ERMARD: variants seen among roughly 807,000 people sequenced by gnomAD.
ERMARD encodes the protein ER membrane associated RNA degradation, also known as endoplasmic reticulum membrane-associated RNA degradation protein.
Under a neutral mutation model 83.9 loss-of-function variants are expected in ERMARD, and 71 were observed. The observed-to-expected ratio is 0.85, with a 90% confidence interval of 0.70 to 1.03. The LOEUF is 1.03. Ranked by LOEUF, ERMARD falls within the 50% of genes least tolerant of loss-of-function variation. The probability of loss-of-function intolerance (pLI) is 0.00; values close to 1 mark genes in which losing one functional copy is unlikely to be tolerated. For synonymous variants in ERMARD, 284 were observed against 298.6 expected, an observed-to-expected ratio of 0.95 and a Z score of 0.50; for missense variants, 838 against 810.9, an observed-to-expected ratio of 1.03 and a Z score of -0.41.
chr6:169,762,506 G>A lies in ERMARD; in HGVS notation c.935G>A (p.Cys312Tyr), dbSNP rs1563018607. 3.1e-6 allele frequency: 5 copies of A among 1,614,030 alleles called. No homozygotes were observed. The highest frequency in any genetic ancestry group is 1.7e-5 in the Admixed American group (1 of 60,018). ...LRNVFATLNRCPKRLLTAEST... is the reference protein window; with the variant it reads ...LRNVFATLNRYPKRLLTAEST... ...AATGTTTTTGCCACACTTAACAGAT[G>A]TCCAAAAAGACTCCTGACTGCTGAG... Residue 312 changes from cysteine to tyrosine, a missense_variant, in exon 9 of 18, where the codon TGT becomes TAT. Coordinates refer to ENST00000366773, the MANE Select transcript of ERMARD (RefSeq NM_018341.3).
intron 13 of ERMARD, among the ~76,000 whole-genome samples, chr6:169,775,066 C>T (rs1793420592): frequency 6.6e-6 from 1 of 152,244 alleles, no homozygotes; most frequent in African/African-American, 2.4e-5. Flanking sequence ...CAGACGTTCA[C>T]TCCCTTCCAA....
intron 15 of ERMARD, 155 bp from the exon 16 acceptor site, chr6:169,776,300 T>C: frequency 6.4e-7 from 1 of 1,551,916 alleles, no homozygotes; most frequent in Non-Finnish European, 8.7e-7. Context: ...TGTGTTTAGT[T>C]AACACTTGCC....
chr6:169,770,410 C>T (rs894504597), intron 12 of ERMARD: 3 of 152,038 alleles, frequency 2.0e-5, no homozygotes, highest in African/African-American at 7.2e-5. Context: ...TTCTTTTTGT[C>T]AGCTGTTTGA....
chr6:169,753,757 G>A (rs1035761749), intron 1 of ERMARD, 107 bp from the exon 2 acceptor site: 1 of 725,010 alleles, frequency 1.4e-6, no homozygotes, highest in Non-Finnish European at 2.0e-6. Flanking sequence ...CATGTTAACA[G>A]CAACTATACC....
intron 2 of ERMARD, among the ~76,000 whole-genome samples, 182 bp downstream of exon 2, chr6:169,754,214 A>C (rs1790509864): frequency 6.6e-6 from 1 of 152,216 alleles, no homozygotes; most frequent in Non-Finnish European, 1.5e-5. Context: ...GAAGCATGGA[A>C]AAGTTAATGG....
upstream of ERMARD, chr6:169,751,331 G>GCACT: frequency 6.2e-7 from 1 of 1,612,884 alleles, no homozygotes; most frequent in Non-Finnish European, 8.5e-7. Context: ...AGCAGTCTCC[G>GCACT]CACTCACTGC....
intron 2 of ERMARD, among the ~76,000 whole-genome samples, chr6:169,754,313 C>A (rs1283048253): frequency 6.6e-6 from 1 of 150,662 alleles, no homozygotes; most frequent in Non-Finnish European, 1.5e-5. Flanking sequence ...GATCTCAGGG[C>A]CTTGAGATGA....
Position 169,781,420 on chromosome 6 carries a change from A to G in ERMARD, c.1944A>G (p.Thr648=), listed in dbSNP as rs2274952. The change falls in exon 18 of 18, where the codon ACA becomes ACG. Residue 648 remains threonine, a synonymous_variant. Transcript: ENST00000366773. ...KNKWNETINL[T]HTALLKMWTF... The stretch of plus-strand genomic sequence containing the variant: ...AGTGGAATGAAACTATCAATCTTAC[A>G]CATACAGCTTTGTTGAAAATGTGGA... 0.032 allele frequency: 51,718 copies of G among 1,613,046 alleles called. 1,877 individuals carry two copies. The highest frequency in any genetic ancestry group is 0.16 in the South Asian group (14,610 of 90,432).
chr6:169,775,074 C>T (rs1004966409), intron 13 of ERMARD, among the ~76,000 whole-genome samples, 196 bp from the exon 14 acceptor site: 1 of 152,328 alleles, frequency 6.6e-6, no homozygotes, highest in South Asian at 2.1e-4. Context: ...CACTCCCTTC[C>T]AATCCACTGG....
chr6:169,751,461 C>T (rs780583360), upstream of ERMARD: 27 of 1,613,604 alleles, frequency 1.7e-5, no homozygotes, highest in Non-Finnish European at 2.3e-5. Context: ...TTCTCCATCT[C>T]GCTCTGTTCT....
At chr6:169,776,245 A>G (rs1793576269) in intron 15 of ERMARD, 180 bp downstream of exon 15, 2 of 1,536,434 alleles carry the variant, frequency 1.3e-6, no homozygotes, top group Admixed American at 2.0e-5. Context: ...AGCTTGGCAC[A>G]TCTGATGAGG....
chr6:169,757,167 G>A (rs1790918954), intron 5 of ERMARD, among the ~76,000 whole-genome samples: 1 of 152,148 alleles, frequency 6.6e-6, no homozygotes, highest in African/African-American at 2.4e-5. Flanking sequence ...TGAGATTTGG[G>A]TGGGGACACA....
chr6:169,759,990 C>T lies in ERMARD; in HGVS notation c.742+16C>T, dbSNP rs372774128. 1 of 1,613,862 alleles carries T rather than the reference C, an allele frequency of 6.2e-7. No homozygotes were observed. Among genetic ancestry groups the T allele is most frequent in the Non-Finnish European group, 8.5e-7 (1 of 1,179,922 alleles). The stretch of plus-strand genomic sequence containing the variant: ...GTTTTTCCTGGTAAGTACTATGTTT[C>T]ACATTTTTCCTTATAGCTTTGCGTA... On this transcript the variant is annotated intron_variant, in intron 7 of 17. Transcript: ENST00000366773.
At chr6:169,762,739 G>A (rs1791710731) in intron 9 of ERMARD, among the ~76,000 whole-genome samples, 1 of 152,124 alleles carries the variant, frequency 6.6e-6, no homozygotes, top group Non-Finnish European at 1.5e-5. Context: ...TTTCTAAACA[G>A]TCTTTAAAAC....
intron 5 of ERMARD, among the ~76,000 whole-genome samples, chr6:169,757,065 A>C (rs902061681): frequency 1.3e-5 from 2 of 152,306 alleles, no homozygotes; most frequent in African/African-American, 4.8e-5. Flanking sequence ...TATCATGAGA[A>C]TAGCACGGGA....
intron 1 of ERMARD, 145 bp downstream of exon 1, chr6:169,751,808 C>T (rs949018910): frequency 8.1e-7 from 1 of 1,232,346 alleles, no homozygotes; most frequent in Non-Finnish European, 1.1e-6. Context: ...CTGGCGACGT[C>T]GCGGCCCTGG....
chr6:169,763,234 A>C (rs1791776293), intron 9 of ERMARD, among the ~76,000 whole-genome samples: 1 of 152,216 alleles, frequency 6.6e-6, no homozygotes, highest in African/African-American at 2.4e-5. Flanking sequence ...ATAGGATAGA[A>C]GTGCATTTCT....
chr6:169,773,163 C>T (rs1041772874), intron 12 of ERMARD, 156 bp from the exon 13 acceptor site: 1 of 576,858 alleles, frequency 1.7e-6, no homozygotes, highest in Non-Finnish European at 3.0e-6. Context: ...CCTGCCATGT[C>T]AAGCCTATTT....
At chr6:169,756,069 C>A (rs1790776732) in intron 3 of ERMARD, among the ~76,000 whole-genome samples, 1 of 152,130 alleles carries the variant, frequency 6.6e-6, no homozygotes, top group South Asian at 2.1e-4. Flanking sequence ...TGATGGAGGT[C>A]AAAATGCTTG....
Sources: allele counts gnomAD v4.1 joint callset (sites outside exome capture counted in the v4.1 genomes callset), GRCh38; gene constraint gnomAD v4.1.1; transcripts MANE v1.5; gene names NCBI Gene and HGNC (gene_info 2026-07-23, HGNC 2026-07-21).